Variants in EPHA6 observed in about 807,000 individuals in gnomAD.
EPHA6 encodes EPH receptor A6.
EPHA6 carries 50 observed loss-of-function variants against 112.0 expected under a neutral mutation model. The observed-to-expected ratio is 0.45, with a 90% CI of 0.36 to 0.56. EPHA6 has a LOEUF of 0.56. Ranked by LOEUF, EPHA6 falls within the 20% of genes least tolerant of loss-of-function variation. The pLI, the probability that EPHA6 is intolerant of heterozygous loss-of-function variation, is 0.00. For synonymous variants in EPHA6, 529 were observed against 490.7 expected, an observed-to-expected ratio of 1.08 and a Z score of -1.03; for missense variants, 1,280 against 1,417.4, an observed-to-expected ratio of 0.90 and a Z score of 1.56.
At chr3:97,443,812 C>G (rs1277733995) in intron 6 of EPHA6, among the ~76,000 whole-genome samples, 1 of 151,934 alleles carries the variant, frequency 6.6e-6, no homozygotes, top group Non-Finnish European at 1.5e-5. Context: ...CTATGTGGTC[C>G]ATAAGGTGTG....
intron 10 of EPHA6, among the ~76,000 whole-genome samples, chr3:97,518,942 C>T (rs1410439684): frequency 9.2e-5 from 14 of 152,060 alleles, no homozygotes; most frequent in Admixed American, 7.2e-4. Flanking sequence ...TCCCATTCAA[C>T]AGGTTTTCTC....
At chr3:97,046,455 C>G (rs57310250) in intron 3 of EPHA6, among the ~76,000 whole-genome samples, 2,303 of 152,204 alleles carry the variant, frequency 0.015, 57 homozygotes, top group African/African-American at 0.047. Context: ...AAACATACTT[C>G]ATTGTGAAAG....
rs186438975 is a variant in EPHA6, at chr3:97,231,044, G to A, written c.1270+4625G>A. 5.3e-5 allele frequency among the ~76,000 whole-genome samples: 8 copies of A among 152,226 alleles called. 1 individual carries two copies. The East Asian group carries it at 1.5e-3, about 29-fold the overall frequency. On this transcript the variant is annotated intron_variant, in intron 4 of 17. Transcript: ENST00000389672. ...GTGTCTGCAGTTTCTCAAATAAAAT[G>A]ACTCAAAATAATCCTTATGCCAAAG... is the stretch of plus-strand genomic sequence containing the variant.
chr3:96,833,122 T>C (rs992561102), intron 1 of EPHA6, among the ~76,000 whole-genome samples: 3 of 150,714 alleles, frequency 2.0e-5, no homozygotes, highest in African/African-American at 7.3e-5. Context: ...GTGACCTTCT[T>C]TGTAAATAGT....
chr3:96,815,724 T>C (rs2032725842), intron 1 of EPHA6, among the ~76,000 whole-genome samples: 1 of 152,078 alleles, frequency 6.6e-6, no homozygotes, highest in African/African-American at 2.4e-5. Flanking sequence ...TGAAGGTAAA[T>C]AGTGGTTAAA....
intron 14 of EPHA6, among the ~76,000 whole-genome samples, chr3:97,692,966 G>A (rs1038435268): frequency 1.9e-4 from 29 of 152,138 alleles, no homozygotes; most frequent in African/African-American, 5.6e-4. Context: ...AATATTATTA[G>A]CATTTCTTAG....
chr3:97,490,017 A>G (rs1290361830), intron 10 of EPHA6, among the ~76,000 whole-genome samples: 1 of 152,136 alleles, frequency 6.6e-6, no homozygotes, highest in Non-Finnish European at 1.5e-5. Flanking sequence ...TCTATCTTAT[A>G]TACAGATTTC....
intron 2 of EPHA6, among the ~76,000 whole-genome samples, chr3:96,893,895 A>G (rs557490735): frequency 5.9e-5 from 9 of 152,216 alleles, no homozygotes; most frequent in Non-Finnish European, 1.3e-4. Flanking sequence ...AAGTGATGGT[A>G]AGTCTATGAA....
chr3:97,132,718 G>T (rs936933777), intron 3 of EPHA6, among the ~76,000 whole-genome samples: 2 of 152,072 alleles, frequency 1.3e-5, no homozygotes, highest in African/African-American at 4.8e-5. Flanking sequence ...AGAATACAAA[G>T]CTGAACAAAG....
chr3:97,675,972 C>T (rs913459271), intron 14 of EPHA6, among the ~76,000 whole-genome samples: 3 of 152,064 alleles, frequency 2.0e-5, no homozygotes, highest in African/African-American at 4.8e-5. Flanking sequence ...CAGAAAATTC[C>T]AAGGCTTCCT....
chr3:97,032,173 C>T (rs1441916118), intron 3 of EPHA6, among the ~76,000 whole-genome samples: 2 of 152,100 alleles, frequency 1.3e-5, no homozygotes, highest in African/African-American at 4.8e-5. Flanking sequence ...TGGAAACCAT[C>T]ATTCTCAGAA....
At chr3:96,898,148 A>G (rs2038384365) in intron 2 of EPHA6, among the ~76,000 whole-genome samples, 1 of 152,242 alleles carries the variant, frequency 6.6e-6, no homozygotes, top group Non-Finnish European at 1.5e-5. Context: ...ACTGTGATGC[A>G]TAGTTGAAAG....
chr3:97,662,919 G>T lies in EPHA6; in HGVS notation c.2784+24837G>T, dbSNP rs139490263. On this transcript the variant is annotated intron_variant, in intron 14 of 17. Coordinates refer to ENST00000389672, the MANE Select transcript of EPHA6 (RefSeq NM_001080448.3). ...CAGTCAGCACTCAGGGCCTTGTCGA[G>T]GCCACCCTAAAGCCTGCTGGAACTC... is the stretch of plus-strand genomic sequence containing the variant. Among the ~76,000 whole-genome samples, 323 of 152,264 alleles carry T rather than the reference G, an allele frequency of 2.1e-3. 2 individuals carry two copies. Among genetic ancestry groups the T allele is most frequent in the African/African-American group, 7.6e-3 (316 of 41,558 alleles).
At chr3:97,174,879 G>A (rs775599018) in intron 3 of EPHA6, among the ~76,000 whole-genome samples, 4 of 151,658 alleles carry the variant, frequency 2.6e-5, no homozygotes, top group Non-Finnish European at 5.9e-5. Flanking sequence ...TATCTTTGCC[G>A]TGAAGAGCCT....
chr3:97,299,183 A>ATGTGTG (rs34282025), intron 5 of EPHA6, among the ~76,000 whole-genome samples: 303 of 144,604 alleles, frequency 2.1e-3, no homozygotes, highest in African/African-American at 7.1e-3. Flanking sequence ...GATGATCAGG[A>ATGTGTG]TGTGTGTGTG....
chr3:97,543,608 G>T (rs1033072229), intron 11 of EPHA6, among the ~76,000 whole-genome samples: 1 of 152,126 alleles, frequency 6.6e-6, no homozygotes, highest in Admixed American at 6.5e-5. Context: ...GAACTTTAAA[G>T]TAGTTTTTTC....
chr3:97,692,043 G>A (rs1261194638), intron 14 of EPHA6, among the ~76,000 whole-genome samples: 7 of 152,266 alleles, frequency 4.6e-5, no homozygotes, highest in African/African-American at 1.7e-4. Context: ...GCACAGAAGT[G>A]CTATGGAGAA....
intron 3 of EPHA6, among the ~76,000 whole-genome samples, chr3:97,078,919 T>C (rs998727981): frequency 6.6e-6 from 1 of 152,134 alleles, no homozygotes; most frequent in African/African-American, 2.4e-5. Flanking sequence ...TCAACTTAGT[T>C]GATATAGCAG....
At chr3:97,275,393 G>A (rs1291128469) in intron 5 of EPHA6, among the ~76,000 whole-genome samples, 4 of 152,300 alleles carry the variant, frequency 2.6e-5, no homozygotes, top group Admixed American at 6.5e-5. Context: ...TGGGTGTCAG[G>A]GTCAGTCTAA....
Sources: gnomAD v4.1 joint callset for allele counts (sites outside exome capture counted in the v4.1 genomes callset) on GRCh38, gnomAD v4.1.1 for gene constraint, MANE v1.5 for transcripts, NCBI Gene and HGNC (gene_info 2026-07-23, HGNC 2026-07-21) for gene names.